Variants in CRIM1 observed in about 807,000 individuals in gnomAD.
The protein encoded by CRIM1 is cysteine rich transmembrane BMP regulator 1, also known as cysteine-rich motor neuron 1 protein.
In CRIM1, 32 loss-of-function variants were observed where a neutral mutation model predicts 116.4. The observed-to-expected ratio is 0.27, with a 90% CI of 0.21 to 0.37. The LOEUF (loss-of-function observed/expected upper bound fraction) is 0.37. Among genes scored for constraint, CRIM1 ranks in the 10% least tolerant of loss-of-function variants. The pLI is 1.00. For synonymous variants in CRIM1, 590 were observed against 509.2 expected (o/e 1.16, Z -2.13); for missense variants, 1,331 against 1,354.8 (o/e 0.98, Z 0.28).
intron 5 of CRIM1, among the ~76,000 whole-genome samples, chr2:36,470,661 A>G (rs1297267523): frequency 1.3e-5 from 2 of 152,188 alleles, no homozygotes; most frequent in African/African-American, 2.4e-5. Flanking sequence ...CTCATTGACA[A>G]TGCACCTGGT....
At chr2:36,407,681 T>G (rs994297463) in intron 2 of CRIM1, among the ~76,000 whole-genome samples, 2 of 148,958 alleles carry the variant, frequency 1.3e-5, no homozygotes, top group Non-Finnish European at 3.0e-5. Flanking sequence ...ACCTTCTGGT[T>G]GTTGTGATTT....
intron 13 of CRIM1, among the ~76,000 whole-genome samples, chr2:36,536,277 C>G (rs1040243615): frequency 1.3e-5 from 2 of 152,190 alleles, no homozygotes; most frequent in African/African-American, 4.8e-5. Flanking sequence ...AATTCTGACC[C>G]TTCAAGAGCT....
chr2:36,376,711 G>C lies in CRIM1; in HGVS notation c.332-19903G>C, dbSNP rs200635818. On this transcript the variant is annotated intron_variant, in intron 1 of 16. Coordinates refer to ENST00000280527, the MANE Select transcript of CRIM1 (RefSeq NM_016441.3). ...ATGCTCATTGTCTGGATCTCCTTTA[G>C]TGGGCATCTCAGAATTCTTTGCTGC... Among the ~76,000 whole-genome samples, 11 of 152,304 alleles carry C rather than the reference G, an allele frequency of 7.2e-5. No homozygotes were observed. In the East Asian group the frequency reaches 1.5e-3, roughly 21 times the overall value.
chr2:36,474,592 A>G (rs2125034437), intron 5 of CRIM1, among the ~76,000 whole-genome samples: 1 of 152,186 alleles, frequency 6.6e-6, no homozygotes, highest in South Asian at 2.1e-4. Context: ...ATGGTGGCTC[A>G]CACCTGTCAT....
chr2:36,381,125 C>A (rs966825904), intron 1 of CRIM1, among the ~76,000 whole-genome samples: 3 of 152,208 alleles, frequency 2.0e-5, no homozygotes, highest in Non-Finnish European at 4.4e-5. Flanking sequence ...CTACCCCCCA[C>A]ACAGGAATCT....
intron 1 of CRIM1, among the ~76,000 whole-genome samples, chr2:36,383,200 T>C (rs1003005968): frequency 1.3e-5 from 2 of 152,258 alleles, no homozygotes; most frequent in African/African-American, 2.4e-5. Flanking sequence ...ATACCTGTTA[T>C]ATTTACATTT....
chr2:36,408,520 A>C lies in CRIM1; in HGVS notation c.505+11733A>C, dbSNP rs139232823. On this transcript the variant is annotated intron_variant, in intron 2 of 16. Coordinates refer to ENST00000280527, the MANE Select transcript of CRIM1 (RefSeq NM_016441.3). ...AGGCCTTCTGAGCTGCTGGCAAAGG[A>C]TGCTGTGAGTGGAGACCACTCCCCA... 5.8e-3 allele frequency among the ~76,000 whole-genome samples: 885 copies of C among 152,288 alleles called. 7 individuals are homozygous for C. Among genetic ancestry groups the C allele is most frequent in the African/African-American group, 0.02 (811 of 41,550 alleles).
At chr2:36,411,949 C>T (rs1220727675) in intron 2 of CRIM1, among the ~76,000 whole-genome samples, 1 of 152,174 alleles carries the variant, frequency 6.6e-6, no homozygotes, top group Non-Finnish European at 1.5e-5. Context: ...ATCACTATAA[C>T]AACCACACCC....
intron 1 of CRIM1, among the ~76,000 whole-genome samples, chr2:36,384,192 A>G (rs546968296): frequency 6.6e-6 from 1 of 152,354 alleles, no homozygotes; most frequent in South Asian, 2.1e-4. Flanking sequence ...TGAACCATGC[A>G]CACACCTGGA....
chr2:36,537,656 G>C, intron 14 of CRIM1, 110 bp downstream of exon 14: 1 of 1,225,056 alleles, frequency 8.2e-7, no homozygotes, highest in East Asian at 2.6e-5. Context: ...GGCCCAAGTA[G>C]CGTGTCAGGC....
intron 7 of CRIM1, among the ~76,000 whole-genome samples, chr2:36,490,388 TGA>T (rs759584169): frequency 8.5e-5 from 13 of 152,310 alleles, no homozygotes; most frequent in Admixed American, 2.6e-4. Flanking sequence ...GTTAGCCTAA[TGA>T]GAGAGCAGGG....
intron 2 of CRIM1, among the ~76,000 whole-genome samples, chr2:36,428,550 T>C (rs1391140417): frequency 6.6e-6 from 1 of 152,232 alleles, no homozygotes; most frequent in Non-Finnish European, 1.5e-5. Context: ...TCTAGGCTTG[T>C]GGATGACAAA....
rs1667646402 is a variant in CRIM1, at chr2:36,550,043, G to GTGTA, written c.*1345_*1346insATGT. ...AAGATGTGTGTGTGAGAGTATGTAT[G>GTGTA]TGTGTGTGTGTGTGTGTGTGTGTGC... is the stretch of plus-strand genomic sequence containing the variant. On this transcript the variant is annotated 3_prime_UTR_variant, in exon 17 of 17. Transcript: ENST00000280527. 7.9e-6 allele frequency: 1 copy of GTGTA among 126,106 alleles called. No individual in the cohort carries two copies. The highest frequency in any genetic ancestry group is 3.5e-5 in the African/African-American group (1 of 28,686). 7.8% of individuals were successfully genotyped at this position (126,106 alleles called of 1,614,324 possible).
At chr2:36,455,391 T>G (rs1294926754) in intron 4 of CRIM1, among the ~76,000 whole-genome samples, 1 of 152,194 alleles carries the variant, frequency 6.6e-6, no homozygotes, top group Non-Finnish European at 1.5e-5. Context: ...CACATAGCAG[T>G]CATATGATAT....
intron 5 of CRIM1, among the ~76,000 whole-genome samples, chr2:36,465,325 G>C (rs967607557): frequency 6.6e-6 from 1 of 152,186 alleles, no homozygotes; most frequent in Non-Finnish European, 1.5e-5. Context: ...TTAGGTGCTA[G>C]AAGGAAGGGG....
intron 1 of CRIM1, among the ~76,000 whole-genome samples, chr2:36,394,579 T>TTG (rs1223004763): frequency 6.6e-6 from 1 of 151,682 alleles, no homozygotes; most frequent in East Asian, 1.9e-4. Context: ...TATGTTATAT[T>TTG]TGTGTGTGTG....
chr2:36,484,862 G>A (rs138927499), intron 7 of CRIM1, among the ~76,000 whole-genome samples: 29 of 152,284 alleles, frequency 1.9e-4, no homozygotes, highest in East Asian at 1.7e-3. Flanking sequence ...AAAAAATTCC[G>A]TGCTAGCGGT....
At chr2:36,529,766 A>G (rs3770822) in intron 13 of CRIM1, among the ~76,000 whole-genome samples, 58,384 of 152,050 alleles carry the variant, frequency 0.38, 11,552 homozygotes, top group Middle Eastern at 0.53. Flanking sequence ...TAGAACTAGG[A>G]CTTGGAAGCC....
chr2:36,480,852 T>C (rs1032071690), intron 7 of CRIM1, among the ~76,000 whole-genome samples: 6 of 152,098 alleles, frequency 3.9e-5, no homozygotes, highest in African/African-American at 1.4e-4. Flanking sequence ...CCTGCATGTA[T>C]ATATACTCCT....
Sources: gnomAD v4.1 joint callset for allele counts (sites outside exome capture counted in the v4.1 genomes callset) on GRCh38, gnomAD v4.1.1 for gene constraint, MANE v1.5 for transcripts, NCBI Gene and HGNC (gene_info 2026-07-23, HGNC 2026-07-21) for gene names.